The following ZNF148 variants were observed in gnomAD, a reference collection of about 807,000 sequenced individuals.
The protein encoded by ZNF148 is zinc finger protein 148.
A neutral mutation model predicts 67.7 loss-of-function variants in ZNF148; 7 were observed. The ratio of observed to expected loss-of-function variants is 0.10; its 90% CI spans 0.06 to 0.19. ZNF148 has a LOEUF of 0.19. Ranked by LOEUF, ZNF148 falls within the 10% of genes least tolerant of loss-of-function variation. ZNF148 has a pLI of 1.00. For missense variants in ZNF148, 583 were observed against 947.1 expected (o/e 0.62, Z 5.05); for synonymous variants, 333 against 330.7 (o/e 1.01, Z -0.08).
chr3:125,317,662 T>TATATATATAGAGAGAG (rs752542874), intron 3 of ZNF148, among the ~76,000 whole-genome samples: 70 of 90,034 alleles, frequency 7.8e-4, no homozygotes, highest in Middle Eastern at 0.016. Context: ...TATATATATA[T>TATATATATAGAGAGAG]AGAGAGAGAG....
At chr3:125,234,914 A>T (rs1936015952) in intron 7 of ZNF148, among the ~76,000 whole-genome samples, 1 of 152,178 alleles carries the variant, frequency 6.6e-6, no homozygotes, top group African/African-American at 2.4e-5. Context: ...AGTATTGTTA[A>T]TTGGACACAT....
intron 1 of ZNF148, among the ~76,000 whole-genome samples, chr3:125,349,200 C>T (rs1054087429): frequency 1.3e-5 from 2 of 152,076 alleles, no homozygotes; most frequent in African/African-American, 2.4e-5. Flanking sequence ...ACCAAAAGCA[C>T]GGGCAACAAG....
intron 1 of ZNF148, among the ~76,000 whole-genome samples, chr3:125,367,907 T>C (rs180946068): frequency 1.3e-5 from 2 of 152,238 alleles, no homozygotes; most frequent in East Asian, 1.9e-4. Flanking sequence ...TACCAACAAA[T>C]GTGAATCTGA....
At chr3:125,338,779 A>G in intron 1 of ZNF148, 1 of 152,210 alleles carries the variant, frequency 6.6e-6, no homozygotes, top group East Asian at 1.9e-4. Context: ...TGGGCCACAA[A>G]AAGCCATACT....
At chr3:125,287,803 T>C (rs1938776525) in intron 5 of ZNF148, among the ~76,000 whole-genome samples, 1 of 152,102 alleles carries the variant, frequency 6.6e-6, no homozygotes, top group African/African-American at 2.4e-5. Context: ...TACATTTTCC[T>C]GAAACCTTAA....
chr3:125,234,366 T>C (rs201135678), intron 7 of ZNF148, 37 bp from the exon 8 acceptor site: 2 of 1,367,390 alleles, frequency 1.5e-6, no homozygotes, highest in Non-Finnish European at 2.0e-6. Context: ...ACAAAACAAA[T>C]ATTGTAAAAT....
rs544824373 is a variant in ZNF148 at position 125,225,769 on chromosome 3, C to T, written c.*6572G>A. 4.5e-4 allele frequency: 68 copies of T among 152,274 alleles called. No individual in the cohort carries two copies. Among genetic ancestry groups the T allele is most frequent in the African/African-American group, 1.6e-3 (66 of 41,562 alleles). 9.4% of individuals were successfully genotyped at this position (152,274 alleles called of 1,614,324 possible). On this transcript the variant is annotated 3_prime_UTR_variant, in exon 9 of 9. Coordinates refer to ENST00000360647, the MANE Select transcript of ZNF148 (RefSeq NM_021964.3). ...CTCCCCTCTCCCCACCATTCCTAAT[C>T]ATTCAAGAAAAACTGGGATCTAGGA...
At chr3:125,298,974 A>G (rs1471735974) in intron 4 of ZNF148, among the ~76,000 whole-genome samples, 1 of 152,204 alleles carries the variant, frequency 6.6e-6, no homozygotes, top group Non-Finnish European at 1.5e-5. Context: ...AAATGCATGC[A>G]CACAATATGT....
At chr3:125,261,101 A>C (rs1937315068) in intron 7 of ZNF148, among the ~76,000 whole-genome samples, 1 of 152,212 alleles carries the variant, frequency 6.6e-6, no homozygotes, top group Non-Finnish European at 1.5e-5. Context: ...TAAAAGGGCC[A>C]CAAAGTAAAT....
At chr3:125,274,531 A>G (rs975664602) in intron 7 of ZNF148, among the ~76,000 whole-genome samples, 2 of 152,206 alleles carry the variant, frequency 1.3e-5, no homozygotes, top group African/African-American at 2.4e-5. Context: ...AAATGTAGGA[A>G]ATGGAATTAA....
At chr3:125,264,434 T>C (rs1937480480) in intron 7 of ZNF148, among the ~76,000 whole-genome samples, 1 of 152,188 alleles carries the variant, frequency 6.6e-6, no homozygotes, top group Admixed American at 6.5e-5. Context: ...TGTTTGTTGG[T>C]ATGAGGAAAA....
In ZNF148 at chr3:125,344,411, G is replaced by C. The variant is rs780771181; in HGVS notation, c.-233-13173C>G. ...ATGACTCTGTCCCTTGGCCTCCTCA[G>C]GGACCCCATTCCAAAAAAAAGTCCT... On this transcript the variant is annotated intron_variant, in intron 1 of 8. Transcript: ENST00000360647. 2.1e-4 allele frequency: 150 copies of C among 723,972 alleles called. 1 individual carries two copies. The highest frequency in any genetic ancestry group is 6.1e-5 in the Non-Finnish European group (24 of 396,130). 44.8% of individuals were successfully genotyped at this position (723,972 alleles called of 1,614,324 possible).
At chr3:125,329,238 G>C (rs958869436) in intron 2 of ZNF148, among the ~76,000 whole-genome samples, 2 of 146,540 alleles carry the variant, frequency 1.4e-5, no homozygotes, top group Non-Finnish European at 3.0e-5. Flanking sequence ...TATATGTATA[G>C]ATATATATAT....
chr3:125,277,928 T>C, intron 6 of ZNF148, 119 bp from the exon 7 acceptor site: 1 of 655,306 alleles, frequency 1.5e-6, no homozygotes. Context: ...AAAATAGCCA[T>C]ACAAATTTTT....
chr3:125,262,652 G>C (rs1284271176), intron 7 of ZNF148, among the ~76,000 whole-genome samples: 1 of 152,148 alleles, frequency 6.6e-6, no homozygotes, highest in East Asian at 1.9e-4. Flanking sequence ...ATTGAGATTG[G>C]TGATATTAAT....
intron 2 of ZNF148, among the ~76,000 whole-genome samples, chr3:125,329,577 C>G (rs1252494238): frequency 1.3e-5 from 2 of 151,414 alleles, no homozygotes; most frequent in Non-Finnish European, 2.9e-5. Context: ...AAGCTAGTCT[C>G]GAACTCCTGA....
chr3:125,236,173 G>A (rs1252854311), intron 7 of ZNF148, among the ~76,000 whole-genome samples: 1 of 151,610 alleles, frequency 6.6e-6, no homozygotes, highest in Non-Finnish European at 1.5e-5. Flanking sequence ...CTTTAGGTCA[G>A]AATCCAGGCC....
At chr3:125,353,093 G>A (rs561645089) in intron 1 of ZNF148, among the ~76,000 whole-genome samples, 25 of 152,216 alleles carry the variant, frequency 1.6e-4, no homozygotes, top group African/African-American at 5.1e-4. Flanking sequence ...TACAAAAAAC[G>A]CTGTACACAA....
intron 1 of ZNF148, among the ~76,000 whole-genome samples, chr3:125,369,583 C>T (rs1421621448): frequency 6.6e-6 from 1 of 151,508 alleles, no homozygotes; most frequent in Non-Finnish European, 1.5e-5. Flanking sequence ...CTGAACACTG[C>T]TACTGAAAAT....
Sources: allele counts gnomAD v4.1 joint callset (sites outside exome capture counted in the v4.1 genomes callset), GRCh38; gene constraint gnomAD v4.1.1; transcripts MANE v1.5; gene names NCBI Gene and HGNC (gene_info 2026-07-23, HGNC 2026-07-21).